Variants in LRRC37A2 observed in about 807,000 individuals in gnomAD.
LRRC37A2 encodes leucine-rich repeat-containing protein 37A2.
LRRC37A2 carries 9 observed loss-of-function variants against 68.8 expected under a neutral mutation model. That is an observed-to-expected ratio of 0.13 (90% CI 0.08 to 0.23). The LOEUF (loss-of-function observed/expected upper bound fraction) is 0.23, where lower values mean the gene tolerates loss of function less well. Ranked by LOEUF, LRRC37A2 falls within the 10% of genes least tolerant of loss-of-function variation. LRRC37A2 has a pLI of 1.00. For synonymous variants in LRRC37A2, 63 were observed against 367.6 expected, an observed-to-expected ratio of 0.17 and a Z score of 9.48; for missense variants, 168 against 950.4, an observed-to-expected ratio of 0.18 and a Z score of 10.82.
chr17:46,759,464 TC>T, the LRRC37A2 span, among the ~76,000 whole-genome samples: 1 of 152,250 alleles, frequency 6.6e-6, no homozygotes, highest in Non-Finnish European at 1.5e-5. Flanking sequence ...TTTGAAATTT[TC>T]CCAGCGTAGA....
the LRRC37A2 span, chr17:47,019,734 C>T: frequency 1.5e-6 from 1 of 674,488 alleles, no homozygotes; most frequent in Middle Eastern, 3.7e-4. Context: ...TGATCTCAAC[C>T]CAGAGCAGAG....
At chr17:46,392,435 T>C in the LRRC37A2 span, among the ~76,000 whole-genome samples, 3 of 28,446 alleles carry the variant, frequency 1.1e-4, no homozygotes, top group African/African-American at 2.2e-4. Flanking sequence ...CTTTCTCTCT[T>C]TCTTTCTTTC....
At chr17:46,855,588 G>C in the LRRC37A2 span, among the ~76,000 whole-genome samples, 2 of 152,220 alleles carry the variant, frequency 1.3e-5, no homozygotes, top group Admixed American at 6.5e-5. Context: ...TTTTGGCTTT[G>C]AATGCCTAGG....
chr17:47,026,592 G>A, the LRRC37A2 span, among the ~76,000 whole-genome samples: 2,326 of 152,282 alleles, frequency 0.015, 42 homozygotes, highest in African/African-American at 0.054. Flanking sequence ...TTTAGGAAGG[G>A]AGAGACTAGA....
the LRRC37A2 span, among the ~76,000 whole-genome samples, chr17:46,872,980 G>C: frequency 6.6e-6 from 1 of 152,062 alleles, no homozygotes. Flanking sequence ...CTCAGGTTTG[G>C]GGGAGCAGAG....
the LRRC37A2 span, among the ~76,000 whole-genome samples, chr17:46,891,540 G>C: frequency 0.035 from 5,284 of 152,268 alleles, 107 homozygotes; most frequent in Middle Eastern, 0.065. Context: ...CAAGGGGTAC[G>C]CAGCCAGGGG....
the LRRC37A2 span, among the ~76,000 whole-genome samples, chr17:46,823,876 C>G: frequency 6.6e-6 from 1 of 150,582 alleles, no homozygotes; most frequent in Non-Finnish European, 1.5e-5. Context: ...ATAACACTTT[C>G]CACCTTGTAG....
the LRRC37A2 span, among the ~76,000 whole-genome samples, chr17:46,836,438 A>G: frequency 6.6e-6 from 1 of 152,218 alleles, no homozygotes; most frequent in Non-Finnish European, 1.5e-5. Context: ...ATGGGGTTTC[A>G]AGGGCAAAAA....
At chr17:46,779,805 G>A in the LRRC37A2 span, among the ~76,000 whole-genome samples, 3 of 152,108 alleles carry the variant, frequency 2.0e-5, no homozygotes, top group African/African-American at 7.2e-5. Flanking sequence ...TGTTGCCCGG[G>A]CTGGAGTACA....
chr17:46,721,539 CTG>C, the LRRC37A2 span: 35 of 1,188,552 alleles, frequency 2.9e-5, no homozygotes, highest in Non-Finnish European at 4.1e-5. Flanking sequence ...CATTCTTTTT[CTG>C]TGTGTGTGTG....
At chr17:46,633,481 G>GAT in the LRRC37A2 span, among the ~76,000 whole-genome samples, 2 of 136,812 alleles carry the variant, frequency 1.5e-5, no homozygotes, top group Non-Finnish European at 3.3e-5. Context: ...GGACTTAAGT[G>GAT]ATCTTCCCTC....
At chr17:46,621,201 G>C in the LRRC37A2 span, among the ~76,000 whole-genome samples, 1 of 149,030 alleles carries the variant, frequency 6.7e-6, no homozygotes, top group Admixed American at 6.7e-5. Flanking sequence ...GAGGTACCTT[G>C]TTCTGACTTA....
At chr17:46,869,654 G>T in the LRRC37A2 span, among the ~76,000 whole-genome samples, 1 of 152,122 alleles carries the variant, frequency 6.6e-6, no homozygotes, top group Non-Finnish European at 1.5e-5. Context: ...CATTTAGTTA[G>T]ACAAACCAAC....
chr17:46,771,509 G>A, the LRRC37A2 span, among the ~76,000 whole-genome samples: 3 of 149,420 alleles, frequency 2.0e-5, no homozygotes, highest in African/African-American at 4.9e-5. Context: ...CGGCGGGGGC[G>A]GGGCGGGGAT....
chr17:46,755,899 A>C, the LRRC37A2 span: 3 of 1,419,704 alleles, frequency 2.1e-6, no homozygotes, highest in Non-Finnish European at 3.0e-6. Context: ...TCACTGTCTT[A>C]CTCAAGATAC....
the LRRC37A2 span, among the ~76,000 whole-genome samples, chr17:46,816,346 A>C: frequency 6.6e-6 from 1 of 151,560 alleles, no homozygotes; most frequent in Non-Finnish European, 1.5e-5. Context: ...TGTCGTGGGC[A>C]TGGATCCCCC....
the LRRC37A2 span, among the ~76,000 whole-genome samples, chr17:46,384,302 C>A: frequency 1.5e-5 from 1 of 68,616 alleles, no homozygotes; most frequent in African/African-American, 4.1e-5. Context: ...AAAAAAGACA[C>A]TTTGGCCTGG....
At chr17:46,529,980 AGT>A (rs1393328684) in intron 6 of LRRC37A2, among the ~76,000 whole-genome samples, 11 of 139,998 alleles carry the variant, frequency 7.9e-5, no homozygotes, top group South Asian at 2.3e-4. Context: ...AAGGTTGGAG[AGT>A]GAGAGAATTT....
the LRRC37A2 span, among the ~76,000 whole-genome samples, chr17:46,884,810 G>A: frequency 1.3e-5 from 2 of 152,146 alleles, no homozygotes. Flanking sequence ...GGCGACAGCT[G>A]GACTGGGATT....
Sources: allele counts gnomAD v4.1 joint callset (sites outside exome capture counted in the v4.1 genomes callset), GRCh38; gene constraint gnomAD v4.1.1; transcripts MANE v1.5; gene names NCBI Gene and HGNC (gene_info 2026-07-23, HGNC 2026-07-21).